The following TMEM70 variants were observed in gnomAD, a reference collection of about 807,000 sequenced individuals.
The protein encoded by TMEM70 is transmembrane protein 70, mitochondrial.
In TMEM70, 15 loss-of-function variants were observed where a neutral mutation model predicts 20.5. The ratio of observed to expected loss-of-function variants is 0.73; its 90% CI spans 0.49 to 1.13. TMEM70 has a LOEUF of 1.13. TMEM70 is among the 50% of genes most tolerant of loss of function. TMEM70 has a pLI of 0.00. For missense variants in TMEM70, 344 were observed against 331.7 expected, an observed-to-expected ratio of 1.04 and a Z score of -0.29; for synonymous variants, 141 against 134.2, an observed-to-expected ratio of 1.05 and a Z score of -0.35.
intron 2 of TMEM70, among the ~76,000 whole-genome samples, chr8:73,980,039 CT>C (rs1815752188): frequency 6.6e-6 from 1 of 152,098 alleles, no homozygotes; most frequent in African/African-American, 2.4e-5. Flanking sequence ...TATTTTTAAT[CT>C]TTCTAAGGTA....
intron 1 of TMEM70, 95 bp downstream of exon 1, chr8:73,976,586 C>T: frequency 7.9e-7 from 1 of 1,260,838 alleles, no homozygotes; most frequent in Admixed American, 2.9e-5. Flanking sequence ...CGACCTCTCC[C>T]AGGTGTCCGT....
Position 73,981,237 on chromosome 8 carries a change from T to C in TMEM70, c.399T>C (p.Ser133=). 1 of 1,614,216 alleles carries C rather than the reference T, an allele frequency of 6.2e-7. No homozygotes were observed. Among genetic ancestry groups the C allele is most frequent in the Non-Finnish European group, 8.5e-7 (1 of 1,180,040 alleles). Residue 133 remains serine, a synonymous_variant, in exon 3 of 3, where the codon TCT becomes TCC. Transcript: ENST00000312184. The stretch of plus-strand genomic sequence containing the variant: ...TTTTTACACAAAATAATGCTATTTC[T>C]GAAAGTGTGCCTCTGCCTATTCAAA... ...PYIFTQNNAI[S]ESVPLPIQII...
chr8:73,981,588 C>A lies in TMEM70; in HGVS notation c.750C>A (p.Thr250=), dbSNP rs779448640. ...AATTTATTTTGTATATGGAAGAAAC[C>A]AGTGAAGAGAAACGGCATAAAGATG... is the stretch of plus-strand genomic sequence containing the variant. ...KEEFILYMEE[T]SEEKRHKDDK is the part of the protein sequence containing the mutation. Residue 250 remains threonine (T), a synonymous_variant, in exon 3 of 3, where the codon ACC becomes ACA. Transcript: ENST00000312184. 1 of 1,610,848 alleles carries A rather than the reference C, an allele frequency of 6.2e-7. No individual in the cohort carries two copies. Among genetic ancestry groups the A allele is most frequent in the South Asian group, 1.1e-5 (1 of 91,014 alleles).
In TMEM70 at chr8:73,981,867, C is replaced by A. The variant is rs1220824905; in HGVS notation, c.*246C>A. 2 of 593,688 alleles carry A rather than the reference C, an allele frequency of 3.4e-6. No homozygotes were observed. Among genetic ancestry groups the A allele is most frequent in the South Asian group, 3.0e-5 (2 of 65,764 alleles). 36.8% of individuals were successfully genotyped at this position (593,688 alleles called of 1,614,324 possible). A position where few individuals can be genotyped will look rare whatever the true frequency, so the allele number is the denominator to read the frequency against. Reference sequence around the variant, plus strand: ...ATATGTTCATGCTAGTATAAGAGTTCTGTGTTACTGTGGTTGACTCTAAAC... The same window carrying A: ...ATATGTTCATGCTAGTATAAGAGTTATGTGTTACTGTGGTTGACTCTAAAC... On this transcript the variant is annotated 3_prime_UTR_variant, in exon 3 of 3. Coordinates refer to ENST00000312184, the MANE Select transcript of TMEM70 (RefSeq NM_017866.6).
Position 73,982,381 on chromosome 8 carries a change from C to T in TMEM70, c.*760C>T, listed in dbSNP as rs546149298. ...TCCAGATGAGAATCCACAAGCGACT[C>T]ATTGACTTGCGCAGTCCTCAGATAG... On this transcript the variant is annotated 3_prime_UTR_variant, in exon 3 of 3. Coordinates refer to ENST00000312184, the MANE Select transcript of TMEM70 (RefSeq NM_017866.6). 2 of 740,392 alleles carry T rather than the reference C, an allele frequency of 2.7e-6. No homozygotes were observed. The highest frequency in any genetic ancestry group is 1.8e-5 in the Admixed American group (1 of 56,916). The allele number at this position is 740,392 out of a possible 1,614,324, so 45.9% of individuals were successfully genotyped here. A position where few individuals can be genotyped will look rare whatever the true frequency, so the allele number is the denominator to read the frequency against.
At position 73,976,462 on chromosome 8, in the gene TMEM70, C is replaced by T; in HGVS notation, c.181C>T (p.Arg61Cys). ...GWSTGPSGAA[R>C]LLRRPGRAQI... Reference sequence around the variant, plus strand: ...GAGTACGGGGCCTTCGGGAGCCGCGCGCCTTCTCCGGCGTCCGGGTCGAGC... The same window carrying T: ...GAGTACGGGGCCTTCGGGAGCCGCGTGCCTTCTCCGGCGTCCGGGTCGAGC... The change falls in exon 1 of 3, where the codon CGC becomes TGC. Residue 61 changes from arginine (R) to cysteine (C), a missense_variant. Physicochemically the swap from Arg to Cys is radical, Grantham distance 180. Transcript: ENST00000312184. The T allele has an allele frequency of 1.3e-6, 2 of 1,547,630 alleles. No homozygotes were observed. Among genetic ancestry groups the T allele is most frequent in the South Asian group, 1.2e-5 (1 of 84,704 alleles).
At position 73,981,264 on chromosome 8, in the gene TMEM70, C is replaced by A. The variant is rs772408705; in HGVS notation, c.426C>A (p.Ile142=). 6.2e-7 allele frequency: 1 copy of A among 1,614,114 alleles called. No homozygotes were observed. Among genetic ancestry groups the A allele is most frequent in the East Asian group, 2.2e-5 (1 of 44,872 alleles). Residue 142 remains isoleucine, a synonymous_variant, in exon 3 of 3, where the codon ATC becomes ATA. Transcript: ENST00000312184. The part of the protein sequence containing the change: ...ISESVPLPIQ[I]IFYGIMGSFT... ...AAAGTGTGCCTCTGCCTATTCAAAT[C>A]ATATTCTATGGCATCATGGGAAGCT...
At position 73,981,658 on chromosome 8, in the gene TMEM70, C is replaced by T. The variant is rs770709733; in HGVS notation, c.*37C>T. On this transcript the variant is annotated 3_prime_UTR_variant, in exon 3 of 3. Transcript: ENST00000312184. ...AGTGTTCGTGCTCAAATGTGATTTA[C>T]GTTTTAATGTATAATAATAAAATTG... The T allele has an allele frequency of 1.6e-5, 22 of 1,406,888 alleles. No individual in the cohort carries two copies. Among genetic ancestry groups the T allele is most frequent in the Middle Eastern group, 1.9e-4 (1 of 5,170 alleles). The allele number at this position is 1,406,888 out of a possible 1,614,324, so 87.2% of individuals were successfully genotyped here. A position where few individuals can be genotyped will look rare whatever the true frequency, so the allele number is the denominator to read the frequency against.
In TMEM70 at chr8:73,981,855, A is replaced by T. The variant is rs1362083882; in HGVS notation, c.*234A>T. On this transcript the variant is annotated 3_prime_UTR_variant, in exon 3 of 3. Transcript: ENST00000312184. ...GTATGTGAATAAATATGTTCATGCT[A>T]GTATAAGAGTTCTGTGTTACTGTGG... is the stretch of plus-strand genomic sequence containing the variant. The T allele has an allele frequency of 1.6e-6, 1 of 617,930 alleles. No homozygotes were observed. Among genetic ancestry groups the T allele is most frequent in the African/African-American group, 1.8e-5 (1 of 55,582 alleles). The allele number at this position is 617,930 out of a possible 1,614,324, so 38.3% of individuals were successfully genotyped here.
rs1815741521 is a variant in TMEM70, at chr8:73,979,662, A to C, written c.316+801A>C. 2.0e-5 allele frequency among the ~76,000 whole-genome samples: 3 copies of C among 152,096 alleles called. No individual in the cohort carries two copies. In the South Asian group the frequency reaches 6.2e-4, roughly 31 times the overall value. On this transcript the variant is annotated intron_variant, in intron 2 of 2. Transcript: ENST00000312184. ...GTCTCTGTCATCTAGGCTGGAGTGC[A>C]GTGGTGTGATCATAGTTCACTGCAA...
In TMEM70 at chr8:73,979,013, A is replaced by T. The variant is rs1815724664; in HGVS notation, c.316+152A>T. The T allele has an allele frequency of 3.4e-5, 32 of 947,942 alleles. No homozygotes were observed. In the South Asian group the frequency reaches 4.8e-4, roughly 14 times the overall value. 58.7% of individuals were successfully genotyped at this position (947,942 alleles called of 1,614,324 possible). On this transcript the variant is annotated intron_variant, in intron 2 of 2. Coordinates refer to ENST00000312184, the MANE Select transcript of TMEM70 (RefSeq NM_017866.6). Reference sequence around the variant, plus strand: ...CATTTTTTTTTCTTGAGGTGTGTTGATAAGATGTAGAGACCTTTGCATTTT... The same window carrying T: ...CATTTTTTTTTCTTGAGGTGTGTTGTTAAGATGTAGAGACCTTTGCATTTT...
Position 73,978,780 on chromosome 8 carries a change from G to A in TMEM70, c.235G>A (p.Val79Ile). The A allele has an allele frequency of 1.2e-6, 2 of 1,613,964 alleles. No homozygotes were observed. The highest frequency in any genetic ancestry group is 1.7e-6 in the Non-Finnish European group (2 of 1,179,894). The change falls in exon 2 of 3, where the codon GTT (valine) becomes ATT (isoleucine). Residue 79 changes from valine (V) to isoleucine (I), a missense_variant. By Grantham distance (29) the Val-to-Ile change is conservative. Coordinates refer to ENST00000312184, the MANE Select transcript of TMEM70 (RefSeq NM_017866.6). ...GATCCCTGTTTATTGGGAAGGATAT[G>A]TTCGATTCTTAAATACGCCATCTGA... Reference protein sequence around the residue: ...AQIPVYWEGYVRFLNTPSDKS... With the variant: ...AQIPVYWEGYIRFLNTPSDKS...
intron 1 of TMEM70, among the ~76,000 whole-genome samples, chr8:73,977,625 A>G (rs1815684952): frequency 6.6e-6 from 1 of 152,250 alleles, no homozygotes; most frequent in Non-Finnish European, 1.5e-5. Context: ...GACTTTAAAT[A>G]TAATGTGAGT....
Position 73,981,509 on chromosome 8 carries a change from T to G in TMEM70, c.671T>G (p.Val224Gly). 6.2e-7 allele frequency: 1 copy of G among 1,613,956 alleles called. No homozygotes were observed. Among genetic ancestry groups the G allele is most frequent in the Non-Finnish European group, 8.5e-7 (1 of 1,179,844 alleles). ...AKTKSLLVNP[V>G]LFPNREDYIH... ...ACAAAATCACTGTTAGTTAATCCAG[T>G]GCTCTTTCCAAACCGTGAAGACTAT... is the stretch of plus-strand genomic sequence containing the variant. Residue 224 changes from valine (V) to glycine (G), a missense_variant, in exon 3 of 3, where the codon GTG (valine) becomes GGG (glycine). Val to Gly is a moderately radical substitution (Grantham distance 109). Coordinates refer to ENST00000312184, the MANE Select transcript of TMEM70 (RefSeq NM_017866.6).
At chr8:73,976,695 G>A (rs1815659126) in intron 1 of TMEM70, among the ~76,000 whole-genome samples, 1 of 152,232 alleles carries the variant, frequency 6.6e-6, no homozygotes. Context: ...AGAACGGCTG[G>A]AAAGTGCTTA....
At position 73,979,179 on chromosome 8, in the gene TMEM70, C is replaced by G. The variant is rs1242391094; in HGVS notation, c.316+318C>G. ...CTCCTGCTGGGATTACAGGTATGCA[C>G]CACCACACTTGGCCAATTTTTGTAT... On this transcript the variant is annotated intron_variant, in intron 2 of 2. Transcript: ENST00000312184. The G allele has an allele frequency of 3.9e-5, 17 of 430,526 alleles. 1 individual carries two copies. In the Admixed American group the frequency reaches 5.2e-4, roughly 13 times the overall value. The allele number at this position is 430,526 out of a possible 1,614,324, so 26.7% of individuals were successfully genotyped here.
In TMEM70 at chr8:73,982,587, A is replaced by G. The variant is rs1422900019; in HGVS notation, c.*966A>G. 2.0e-6 allele frequency: 1 copy of G among 488,660 alleles called. No individual in the cohort carries two copies. Among genetic ancestry groups the G allele is most frequent in the Non-Finnish European group, 4.0e-6 (1 of 248,644 alleles). 30.3% of individuals were successfully genotyped at this position (488,660 alleles called of 1,614,324 possible). A position where few individuals can be genotyped will look rare whatever the true frequency, so the allele number is the denominator to read the frequency against. ...AGTTTTAAGTCTTCTTTGGTTCAGA[A>G]CACAGGTTTTTGCCTAACCCCTGGC... On this transcript the variant is annotated 3_prime_UTR_variant, in exon 3 of 3. Transcript: ENST00000312184.
intron 1 of TMEM70, among the ~76,000 whole-genome samples, chr8:73,976,934 G>A (rs1441648262): frequency 1.3e-5 from 2 of 152,156 alleles, no homozygotes; most frequent in Non-Finnish European, 2.9e-5. Context: ...GGATGCAGAT[G>A]TTAATTCTTT....
In TMEM70 at chr8:73,981,149, A is replaced by G. The variant is rs769736567; in HGVS notation, c.317-6A>G. The G allele has an allele frequency of 4.4e-6, 7 of 1,606,970 alleles. No individual in the cohort carries two copies. The African/African-American group carries it at 9.4e-5, about 22-fold the overall frequency. Reference sequence around the variant, plus strand: ...TATTGATCCTCTCTCTTTTTTTCCCATTTAGGTGTGAAATGTTTCTCTTAT... The same window carrying G: ...TATTGATCCTCTCTCTTTTTTTCCCGTTTAGGTGTGAAATGTTTCTCTTAT... On this transcript the variant is annotated splice_region_variant and splice_polypyrimidine_tract_variant and intron_variant, in intron 2 of 2. Transcript: ENST00000312184.
Sources: allele counts gnomAD v4.1 joint callset (sites outside exome capture counted in the v4.1 genomes callset), GRCh38; gene constraint gnomAD v4.1.1; transcripts MANE v1.5; gene names NCBI Gene and HGNC (gene_info 2026-07-23, HGNC 2026-07-21).